Variants in PTPRD observed in about 807,000 individuals in gnomAD.
PTPRD encodes protein tyrosine phosphatase receptor type D, also known as receptor-type tyrosine-protein phosphatase delta.
Under a neutral mutation model 214.5 loss-of-function variants are expected in PTPRD, and 34 were observed. The ratio of observed to expected loss-of-function variants is 0.16; its 90% CI spans 0.12 to 0.21. The LOEUF is 0.21. PTPRD is among the 10% of genes least tolerant of loss of function. The pLI is 1.00. For missense variants in PTPRD, 2,545 were observed against 2,398.7 expected, an observed-to-expected ratio of 1.06 and a Z score of -1.27; for synonymous variants, 1,128 against 845.7, an observed-to-expected ratio of 1.33 and a Z score of -5.79.
intron 7 of PTPRD, among the ~76,000 whole-genome samples, chr9:9,641,488 A>C (rs2095950954): frequency 6.6e-6 from 1 of 152,204 alleles, no homozygotes; most frequent in South Asian, 2.1e-4. Flanking sequence ...AGAAATGATA[A>C]GAGGCTATAG....
intron 5 of PTPRD, among the ~76,000 whole-genome samples, chr9:9,852,228 GAAGA>G (rs1057422518): frequency 1.3e-5 from 2 of 152,054 alleles, no homozygotes; most frequent in African/African-American, 2.4e-5. Context: ...AAAATTTACA[GAAGA>G]AAGTAGAAGA....
chr9:10,230,436 G>GTGTCTATCTATCTATCTATC (rs199914356), intron 3 of PTPRD, among the ~76,000 whole-genome samples: 30 of 140,742 alleles, frequency 2.1e-4, no homozygotes, highest in East Asian at 1.0e-3. Flanking sequence ...ATGTATCTAT[G>GTGTCTATCTATCTATCTATC]TATCTATCTA....
chr9:8,899,016 T>C (rs962988915), intron 11 of PTPRD, among the ~76,000 whole-genome samples: 1 of 152,220 alleles, frequency 6.6e-6, no homozygotes, highest in African/African-American at 2.4e-5. Context: ...TTTGTCATTT[T>C]GGATTATCTG....
At chr9:10,430,513 C>T (rs928334102) in intron 2 of PTPRD, among the ~76,000 whole-genome samples, 28 of 151,736 alleles carry the variant, frequency 1.8e-4, no homozygotes, top group Admixed American at 1.3e-4. Context: ...AATATTTTCA[C>T]TCTTTATAAG....
intron 12 of PTPRD, among the ~76,000 whole-genome samples, chr9:8,678,381 A>T (rs571619168): frequency 6.6e-6 from 1 of 152,248 alleles, no homozygotes; most frequent in African/African-American, 2.4e-5. Flanking sequence ...CTTCTGTTAC[A>T]TGGTTTGCTC....
At chr9:8,318,775 C>T (rs1314367066) in intron 45 of PTPRD, among the ~76,000 whole-genome samples, 1 of 151,930 alleles carries the variant, frequency 6.6e-6, no homozygotes, top group African/African-American at 2.4e-5. Context: ...ACGAAGAACA[C>T]TATCATATTG....
chr9:9,131,372 C>T (rs1383737038), intron 10 of PTPRD, among the ~76,000 whole-genome samples: 2 of 152,144 alleles, frequency 1.3e-5, no homozygotes, highest in Non-Finnish European at 2.9e-5. Flanking sequence ...ATGGACTTTT[C>T]ACAGCCTATA....
chr9:9,147,168 A>G (rs542803282), intron 10 of PTPRD, among the ~76,000 whole-genome samples: 1 of 151,954 alleles, frequency 6.6e-6, no homozygotes, highest in South Asian at 2.1e-4. Flanking sequence ...TACCAATCTG[A>G]GAAGTAGTCT....
chr9:10,189,675 C>A (rs1007088731), intron 3 of PTPRD, among the ~76,000 whole-genome samples: 4 of 151,332 alleles, frequency 2.6e-5, no homozygotes, highest in African/African-American at 9.7e-5. Context: ...GAAAGGCAAG[C>A]AAAGAAACAA....
rs1210299906 is a variant in PTPRD at position 8,882,622 on chromosome 9, T to C, written c.-104+136075A>G. Among the ~76,000 whole-genome samples, 4 of 152,082 alleles carry C rather than the reference T, an allele frequency of 2.6e-5. No individual in the cohort carries two copies. The East Asian group carries it at 7.7e-4, about 29-fold the overall frequency. ...TTAGAGGGCCATGTGTGGTGGCTCA[T>C]GCCTGTAATCCCAGCACTTTGGGAG... On this transcript the variant is annotated intron_variant, in intron 11 of 45. Transcript: ENST00000381196.
At chr9:9,508,702 T>C (rs1160853669) in intron 8 of PTPRD, among the ~76,000 whole-genome samples, 1 of 151,664 alleles carries the variant, frequency 6.6e-6, no homozygotes, top group Non-Finnish European at 1.5e-5. Flanking sequence ...TCATTTTCAA[T>C]TCATTGTACT....
intron 11 of PTPRD, among the ~76,000 whole-genome samples, chr9:8,948,837 T>C (rs1196849870): frequency 6.6e-6 from 1 of 151,216 alleles, no homozygotes; most frequent in Non-Finnish European, 1.5e-5. Flanking sequence ...AGGTAACAGA[T>C]GATGTGATAG....
At chr9:10,131,407 G>T (rs116617742) in intron 3 of PTPRD, among the ~76,000 whole-genome samples, 2,958 of 152,180 alleles carry the variant, frequency 0.019, 85 homozygotes, top group African/African-American at 0.067. Flanking sequence ...TCCACATAAA[G>T]CCTGTATTGT....
At chr9:10,036,506 G>GCACACACACA (rs59938783) in intron 3 of PTPRD, among the ~76,000 whole-genome samples, 208 of 142,092 alleles carry the variant, frequency 1.5e-3, no homozygotes, top group African/African-American at 4.8e-3. Context: ...ACACACTCAT[G>GCACACACACA]CACACACACA....
rs368100918 is a variant in PTPRD, at chr9:10,395,954, T to TGAGAGAGAGAGAGAGA, written c.-599-54953_-599-54938dup. ...AAGCCACAGAGGGACATAGAGAGAA[T>TGAGAGAGAGAGAGAGA]GAGAGAGAGAGAGAGAGAGAGAGAG... On this transcript the variant is annotated intron_variant, in intron 2 of 45. Transcript: ENST00000381196. Among the ~76,000 whole-genome samples the TGAGAGAGAGAGAGAGA allele has an allele frequency of 2.2e-3, 289 of 134,372 alleles. 2 individuals carry two copies. The highest frequency in any genetic ancestry group is 5.3e-3 in the African/African-American group (193 of 36,648). The allele number at this position is 134,372 out of a possible 152,430, so 88.2% of individuals were successfully genotyped here.
chr9:10,182,186 G>A (rs2099297925), intron 3 of PTPRD, among the ~76,000 whole-genome samples: 1 of 147,278 alleles, frequency 6.8e-6, no homozygotes, highest in Admixed American at 6.8e-5. Flanking sequence ...CTTGAACTAG[G>A]GAGGCAGAGG....
At chr9:10,411,379 G>C (rs2154507852) in intron 2 of PTPRD, among the ~76,000 whole-genome samples, 1 of 151,836 alleles carries the variant, frequency 6.6e-6, no homozygotes, top group East Asian at 2.0e-4. Context: ...CATCATGAAA[G>C]GATGCAACCA....
At chr9:10,125,427 T>G (rs1243125650) in intron 3 of PTPRD, among the ~76,000 whole-genome samples, 13 of 60,724 alleles carry the variant, frequency 2.1e-4, no homozygotes, top group South Asian at 1.0e-3. Context: ...TTTTATTTTA[T>G]TATTATTATT....
At chr9:9,393,607 G>A (rs1269353422) in intron 9 of PTPRD, among the ~76,000 whole-genome samples, 1 of 152,002 alleles carries the variant, frequency 6.6e-6, no homozygotes, top group Non-Finnish European at 1.5e-5. Flanking sequence ...TTATTTTAAG[G>A]CACTGAGATT....
Sources: allele counts gnomAD v4.1 joint callset (sites outside exome capture counted in the v4.1 genomes callset), GRCh38; gene constraint gnomAD v4.1.1; transcripts MANE v1.5; gene names NCBI Gene and HGNC (gene_info 2026-07-23, HGNC 2026-07-21).